TUBA1B: variants seen among roughly 807,000 people sequenced by gnomAD.
The protein encoded by TUBA1B is tubulin alpha 1b, also known as tubulin alpha-1B chain.
A neutral mutation model predicts 34.4 loss-of-function variants in TUBA1B; 1 was observed. That is an observed-to-expected ratio of 0.03 (90% CI 0.01 to 0.14). TUBA1B has a LOEUF of 0.14. Ranked by LOEUF, TUBA1B falls within the 10% of genes least tolerant of loss-of-function variation. The probability of loss-of-function intolerance (pLI) is 1.00; values close to 1 mark genes in which losing one functional copy is unlikely to be tolerated. For synonymous variants in TUBA1B, 197 were observed against 212.5 expected, an observed-to-expected ratio of 0.93 and a Z score of 0.64; for missense variants, 54 against 583.6, an observed-to-expected ratio of 0.09 and a Z score of 9.35.
chr12:49,130,383 T>C, intron 1 of TUBA1B: 2 of 1,284,474 alleles, frequency 1.6e-6, no homozygotes, highest in South Asian at 1.2e-5. Context: ...GGGCGCGCGC[T>C]CTTGCGCCCC....
In TUBA1B at chr12:49,131,382, G is replaced by T. The variant is rs1450265485; in HGVS notation, c.-82C>A. 6.5e-6 allele frequency: 10 copies of T among 1,549,722 alleles called. No homozygotes were observed. The highest frequency in any genetic ancestry group is 1.1e-5 in the South Asian group (1 of 87,124). On this transcript the variant is annotated 5_prime_UTR_variant, in exon 1 of 4. Coordinates refer to ENST00000336023, the MANE Select transcript of TUBA1B (RefSeq NM_006082.3). ...CGTCCCCGACAAGCTAAGAGTCGAGGTAAGTAACGCACTAGGGCGGGGCCG... is the reference window on the plus strand; with the variant it reads ...CGTCCCCGACAAGCTAAGAGTCGAGTTAAGTAACGCACTAGGGCGGGGCCG...
chr12:49,130,140 G>A (rs1005694818), intron 1 of TUBA1B: 10 of 1,200,876 alleles, frequency 8.3e-6, no homozygotes, highest in South Asian at 3.0e-5. Flanking sequence ...AAACCGGGAA[G>A]GCCTCCTTCC....
At chr12:49,130,324 G>A (rs1345803710) in intron 1 of TUBA1B, 1 of 1,289,202 alleles carries the variant, frequency 7.8e-7, no homozygotes, top group South Asian at 1.2e-5. Context: ...ATGTCTGTCC[G>A]CAGGGACAAG....
intron 1 of TUBA1B, chr12:49,130,469 C>A (rs1592246594): frequency 2.7e-6 from 2 of 735,772 alleles, no homozygotes; most frequent in Non-Finnish European, 4.0e-6. Context: ...CCCTTGCCTG[C>A]CGGCATCGGG....
chr12:49,129,088 T>C, intron 3 of TUBA1B, 150 bp from the exon 4 acceptor site: 1 of 1,542,336 alleles, frequency 6.5e-7, no homozygotes, highest in Non-Finnish European at 8.8e-7. Context: ...GTCCATAACC[T>C]AGGGACTATC....
rs769791433 is a variant in TUBA1B at position 49,127,924 on chromosome 12, C to T, written c.*34G>A. ...TAAGCTGAAGCTGAAATTCTGGGAG[C>T]ATGACATGCTGCAGGGCCAAAAGGA... On this transcript the variant is annotated 3_prime_UTR_variant, in exon 4 of 4. Coordinates refer to ENST00000336023, the MANE Select transcript of TUBA1B (RefSeq NM_006082.3). 16 of 1,613,838 alleles carry T rather than the reference C, an allele frequency of 9.9e-6. No individual in the cohort carries two copies. Among genetic ancestry groups the T allele is most frequent in the Admixed American group, 6.7e-5 (4 of 59,998 alleles).
At chr12:49,131,189 G>C in intron 1 of TUBA1B, 109 bp downstream of exon 1, 1 of 1,409,054 alleles carries the variant, frequency 7.1e-7, no homozygotes, top group African/African-American at 1.4e-5. Context: ...CCTCCAAACG[G>C]ACGGCTCTGA....
chr12:49,129,654 G>A lies in TUBA1B; in HGVS notation c.72C>T (p.Tyr24=). 1 of 1,614,254 alleles carries A rather than the reference G, an allele frequency of 6.2e-7. No homozygotes were observed. The highest frequency in any genetic ancestry group is 8.5e-7 in the Non-Finnish European group (1 of 1,180,042). ...VQIGNACWEL[Y]CLEHGIQPDG... is the part of the protein sequence containing the mutation. The stretch of plus-strand genomic sequence containing the variant: ...CGGGCTGGATGCCGTGTTCCAGGCA[G>A]TAGAGCTCCCAGCAGGCATTGCCAA... Residue 24 remains tyrosine (Y), a synonymous_variant, in exon 2 of 4, where the codon TAC becomes TAT. Transcript: ENST00000336023.
rs777199807 is a variant in TUBA1B at position 49,127,937 on chromosome 12, A to G, written c.*21T>C. On this transcript the variant is annotated 3_prime_UTR_variant, in exon 4 of 4. Transcript: ENST00000336023. ...AAATTCTGGGAGCATGACATGCTGC[A>G]GGGCCAAAAGGAATGGATAATTAGT... 8.7e-6 allele frequency: 14 copies of G among 1,613,904 alleles called. No homozygotes were observed. Among genetic ancestry groups the G allele is most frequent in the East Asian group, 2.2e-5 (1 of 44,906 alleles).
intron 1 of TUBA1B, chr12:49,131,089 C>G: frequency 1.8e-6 from 1 of 546,852 alleles, no homozygotes; most frequent in Non-Finnish European, 3.3e-6. Context: ...GAGAAGAAAT[C>G]CTGGCGCCCC....
At chr12:49,131,102 G>T (rs1043915141) in intron 1 of TUBA1B, 196 bp downstream of exon 1, 38 of 574,888 alleles carry the variant, frequency 6.6e-5, no homozygotes, top group Middle Eastern at 5.0e-4. Context: ...GGCGCCCCTC[G>T]ACCTTTCCGG....
intron 1 of TUBA1B, 52 bp from the exon 2 acceptor site, chr12:49,129,774 T>C (rs1941780230): frequency 6.2e-7 from 1 of 1,611,938 alleles, no homozygotes; most frequent in Non-Finnish European, 8.5e-7. Context: ...TTGATGACTG[T>C]CAAGTGGAAC....
chr12:49,130,987 C>T (rs541635555), intron 1 of TUBA1B: 22 of 333,066 alleles, frequency 6.6e-5, no homozygotes, highest in Non-Finnish European at 1.1e-4. Context: ...TGCGGGGACT[C>T]GAGGGACCGC....
chr12:49,130,096 A>AC, intron 1 of TUBA1B: 1 of 1,198,100 alleles, frequency 8.3e-7, no homozygotes, highest in Non-Finnish European at 1.1e-6. Context: ...ACTATAGTCT[A>AC]CGTTGCTTTT....
At chr12:49,129,026 A>C (rs1483160674) in intron 3 of TUBA1B, 88 bp from the exon 4 acceptor site, 1 of 1,526,228 alleles carries the variant, frequency 6.6e-7, no homozygotes, top group Non-Finnish European at 8.8e-7. Context: ...TACGAACCAT[A>C]TCTCACTGAT....
At chr12:49,129,805 A>AT (rs1163778583) in intron 1 of TUBA1B, 83 bp from the exon 2 acceptor site, 7 of 1,584,746 alleles carry the variant, frequency 4.4e-6, no homozygotes, top group Admixed American at 3.5e-5. Flanking sequence ...TGCAATCTTT[A>AT]TTTTTTTAGA....
chr12:49,130,197 C>T, intron 1 of TUBA1B: 1 of 1,265,588 alleles, frequency 7.9e-7, no homozygotes, highest in Non-Finnish European at 1.0e-6. Flanking sequence ...AGGACCAAGA[C>T]AGGAAGGTGG....
chr12:49,130,081 G>A, intron 1 of TUBA1B: 2 of 1,195,922 alleles, frequency 1.7e-6, no homozygotes, highest in Admixed American at 7.0e-5. Context: ...TTTGAGAACA[G>A]CTACACTATA....
intron 1 of TUBA1B, 160 bp from the exon 2 acceptor site, chr12:49,129,882 G>A: frequency 7.8e-7 from 1 of 1,285,940 alleles, no homozygotes; most frequent in Non-Finnish European, 1.1e-6. Flanking sequence ...CTAGGCTCCA[G>A]TCATCCCCCC....
Sources: gnomAD v4.1 joint callset for allele counts on GRCh38, gnomAD v4.1.1 for gene constraint, MANE v1.5 for transcripts, NCBI Gene and HGNC (gene_info 2026-07-23, HGNC 2026-07-21) for gene names.